The following GLIS3 variants were observed in gnomAD, a reference collection of about 807,000 sequenced individuals.
The protein encoded by GLIS3 is zinc finger protein GLIS3.
In GLIS3, 53 loss-of-function variants were observed where a neutral mutation model predicts 78.6. That is an observed-to-expected ratio of 0.67 (90% CI 0.54 to 0.85). GLIS3 has a LOEUF of 0.85. GLIS3 is among the 40% of genes least tolerant of loss of function. The probability of loss-of-function intolerance (pLI) is 0.00; values close to 1 mark genes in which losing one functional copy is unlikely to be tolerated. For synonymous variants in GLIS3, 684 were observed against 509.9 expected (o/e 1.34, Z -4.60); for missense variants, 1,703 against 1,231.1 (o/e 1.38, Z -5.74).
chr9:4,168,900 G>A (rs1816119092), intron 2 of GLIS3, among the ~76,000 whole-genome samples: 1 of 152,140 alleles, frequency 6.6e-6, no homozygotes, highest in Non-Finnish European at 1.5e-5. Context: ...TTCTGTAACT[G>A]TTAGATAACG....
chr9:4,143,318 G>C (rs1381558205), intron 2 of GLIS3, among the ~76,000 whole-genome samples: 1 of 152,086 alleles, frequency 6.6e-6, no homozygotes, highest in Non-Finnish European at 1.5e-5. Context: ...TGTAATCCCA[G>C]CACTTTGGGA....
intron 2 of GLIS3, among the ~76,000 whole-genome samples, chr9:4,314,770 T>G (rs10758600): frequency 0.38 from 57,395 of 152,214 alleles, 12,573 homozygotes; most frequent in East Asian, 0.53. Flanking sequence ...GCTCTGGGAT[T>G]TTGGGCAAGT....
intron 6 of GLIS3, among the ~76,000 whole-genome samples, chr9:3,903,460 C>G (rs1342146617): frequency 1.3e-5 from 2 of 152,228 alleles, no homozygotes; most frequent in East Asian, 3.8e-4. Flanking sequence ...TTGCATGACA[C>G]CAAGGACCTT....
chr9:4,121,590 T>A (rs1206164294), intron 3 of GLIS3, among the ~76,000 whole-genome samples: 2 of 147,338 alleles, frequency 1.4e-5, no homozygotes, highest in African/African-American at 5.0e-5. Context: ...TTACAAAGAA[T>A]AAAACAGGGT....
chr9:4,359,006 G>A, the GLIS3 span, among the ~76,000 whole-genome samples: 47 of 152,234 alleles, frequency 3.1e-4, no homozygotes, highest in African/African-American at 1.1e-3. Flanking sequence ...AATCCCAACT[G>A]GTAGGACCAT....
chr9:4,124,854 G>T (rs1832454338), intron 3 of GLIS3, among the ~76,000 whole-genome samples: 1 of 152,156 alleles, frequency 6.6e-6, no homozygotes, highest in Admixed American at 6.5e-5. Flanking sequence ...CCATAGTTAT[G>T]GCAGAACTAG....
intron 2 of GLIS3, among the ~76,000 whole-genome samples, chr9:4,268,599 G>T (rs866059281): frequency 2.8e-4 from 42 of 152,292 alleles, no homozygotes; most frequent in African/African-American, 9.6e-4. Flanking sequence ...AGAATAAAAG[G>T]TAGGAAAGGT....
intron 5 of GLIS3, among the ~76,000 whole-genome samples, chr9:3,935,961 TATG>T (rs1330274451): frequency 1.3e-5 from 2 of 152,218 alleles, no homozygotes; most frequent in Non-Finnish European, 2.9e-5. Context: ...AAATGACTTC[TATG>T]AATATGACTA....
intron 2 of GLIS3, among the ~76,000 whole-genome samples, chr9:4,323,229 T>C (rs1410134990): frequency 2.0e-5 from 3 of 152,190 alleles, no homozygotes; most frequent in Non-Finnish European, 2.9e-5. Context: ...GTTGTAGATG[T>C]GTGATATCAA....
At position 4,118,321 on chromosome 9, in the gene GLIS3, T is replaced by C; in HGVS notation, c.1157A>G (p.Glu386Gly). 2 of 1,574,538 alleles carry C rather than the reference T, an allele frequency of 1.3e-6. No individual in the cohort carries two copies. Among genetic ancestry groups the C allele is most frequent in the Non-Finnish European group, 1.7e-6 (2 of 1,163,016 alleles). Residue 386 changes from glutamate (E) to glycine (G), a missense_variant, in exon 4 of 11, where the codon GAG becomes GGG. Coordinates refer to ENST00000381971, the MANE Select transcript of GLIS3 (RefSeq NM_001042413.2). This position sits in a 1 kb window ranked among gnomAD's most constrained non-coding sequence, Gnocchi z 4.7. The part of the protein sequence containing the change: ...PGGLALPAYG[E>G]DGALEHERMQ... Reference sequence around the variant, plus strand: ...GCGCTCGTGCTCCAGGGCCCCGTCCTCGCCGTAGGCCGGCAGCGCCAGGCC... The same window carrying C: ...GCGCTCGTGCTCCAGGGCCCCGTCCCCGCCGTAGGCCGGCAGCGCCAGGCC...
At position 3,937,206 on chromosome 9, in the gene GLIS3, A is replaced by ATT; in HGVS notation, c.1711-19_1711-18dup. 1 of 1,613,964 alleles carries ATT rather than the reference A, an allele frequency of 6.2e-7. No individual in the cohort carries two copies. Among genetic ancestry groups the ATT allele is most frequent in the Non-Finnish European group, 8.5e-7 (1 of 1,179,868 alleles). On this transcript the variant is annotated splice_polypyrimidine_tract_variant and intron_variant, in intron 4 of 10. Coordinates refer to ENST00000381971, the MANE Select transcript of GLIS3 (RefSeq NM_001042413.2). ...ACCTTCAAACTGCAAAAAGAAAACA[A>ATT]TTTTTGGTGGTTGAGAAGGACCTTG...
chr9:4,135,481 C>T (rs532622770), intron 2 of GLIS3, among the ~76,000 whole-genome samples: 3 of 152,152 alleles, frequency 2.0e-5, no homozygotes, highest in South Asian at 2.1e-4. Flanking sequence ...GAGAAGTCAT[C>T]GAACTATGAC....
At chr9:4,298,459 C>G in intron 1 of GLIS3, 1 of 449,680 alleles carries the variant, frequency 2.2e-6, no homozygotes, top group African/African-American at 2.0e-5. Flanking sequence ...TCCCGGTCCC[C>G]GAGGTGACTT....
chr9:3,834,759 T>C (rs1325004665), intron 9 of GLIS3, among the ~76,000 whole-genome samples: 9 of 152,178 alleles, frequency 5.9e-5, no homozygotes, highest in Non-Finnish European at 1.0e-4. Flanking sequence ...GGAACCAGAA[T>C]ATAAATACAT....
At chr9:4,487,898 C>A in the GLIS3 span, among the ~76,000 whole-genome samples, 4 of 152,022 alleles carry the variant, frequency 2.6e-5, no homozygotes, top group African/African-American at 9.7e-5. Flanking sequence ...CACTAAGTTG[C>A]CCAGGTTGGT....
intron 2 of GLIS3, among the ~76,000 whole-genome samples, chr9:4,329,128 G>C (rs539211859): frequency 2.6e-5 from 4 of 152,254 alleles, no homozygotes; most frequent in Non-Finnish European, 5.9e-5. Context: ...GCCGACTTGG[G>C]CAGCTGTGTG....
chr9:4,049,701 G>T (rs1218677850), intron 4 of GLIS3, among the ~76,000 whole-genome samples: 1 of 152,102 alleles, frequency 6.6e-6, no homozygotes, highest in Admixed American at 6.6e-5. Context: ...CTACCCATCT[G>T]ACAAAGGACT....
At chr9:4,406,892 A>G in the GLIS3 span, among the ~76,000 whole-genome samples, 1 of 152,208 alleles carries the variant, frequency 6.6e-6, no homozygotes, top group Non-Finnish European at 1.5e-5. Context: ...CAGATTCAAT[A>G]CAATTCCTAT....
At chr9:4,182,555 C>T (rs1201094443) in intron 2 of GLIS3, among the ~76,000 whole-genome samples, 2 of 152,118 alleles carry the variant, frequency 1.3e-5, no homozygotes, top group Non-Finnish European at 2.9e-5. Context: ...GATGAGAAAG[C>T]ATGGGGAGTT....
Sources: gnomAD v4.1 joint callset for allele counts (sites outside exome capture counted in the v4.1 genomes callset) on GRCh38, gnomAD v4.1.1 for gene constraint, Gnocchi (gnomAD v3.1) non-coding constraint, MANE v1.5 for transcripts, NCBI Gene and HGNC (gene_info 2026-07-23, HGNC 2026-07-21) for gene names.